The following BCAR3 variants were observed in gnomAD, a reference collection of about 807,000 sequenced individuals.
BCAR3 encodes BCAR3 adaptor protein, NSP family member.
A neutral mutation model predicts 80.1 loss-of-function variants in BCAR3; 37 were observed. The ratio of observed to expected loss-of-function variants is 0.46; its 90% CI spans 0.36 to 0.61. BCAR3 has a LOEUF of 0.61. BCAR3 is among the 20% of genes least tolerant of loss of function. The pLI is 0.00. For missense variants in BCAR3, 978 were observed against 1,068.2 expected (o/e 0.92, Z 1.18); for synonymous variants, 389 against 418.9 (o/e 0.93, Z 0.87).
chr1:93,660,242 G>A (rs563744036), intron 2 of BCAR3, among the ~76,000 whole-genome samples: 4 of 152,268 alleles, frequency 2.6e-5, no homozygotes, highest in Non-Finnish European at 5.9e-5. Flanking sequence ...ACAGGCCAGC[G>A]ACCGAACTGT....
intron 2 of BCAR3, among the ~76,000 whole-genome samples, chr1:93,723,960 C>T (rs1423038901): frequency 6.6e-6 from 1 of 152,220 alleles, no homozygotes; most frequent in East Asian, 1.9e-4. Flanking sequence ...AGAGAAGCCA[C>T]TTGGCCACCT....
intron 2 of BCAR3, among the ~76,000 whole-genome samples, chr1:93,842,550 A>G (rs1236229150): frequency 6.6e-6 from 1 of 152,146 alleles, no homozygotes; most frequent in Non-Finnish European, 1.5e-5. Context: ...CGGTTTTCTG[A>G]AAAGATGAAG....
At chr1:93,669,279 A>G (rs150848717) in intron 2 of BCAR3, among the ~76,000 whole-genome samples, 3 of 152,320 alleles carry the variant, frequency 2.0e-5, no homozygotes, top group Non-Finnish European at 2.9e-5. Context: ...ACCATTTTTC[A>G]GATGAGGGCA....
intron 2 of BCAR3, among the ~76,000 whole-genome samples, chr1:93,831,612 C>T (rs1654570020): frequency 6.6e-6 from 1 of 152,264 alleles, no homozygotes; most frequent in Middle Eastern, 3.4e-3. Context: ...TTCTTTCTCT[C>T]CTGTCTGTTC....
chr1:93,819,901 GA>G (rs1358552288), intron 2 of BCAR3, among the ~76,000 whole-genome samples: 2 of 152,114 alleles, frequency 1.3e-5, no homozygotes, highest in Non-Finnish European at 2.9e-5. Flanking sequence ...ACAGTTTTCT[GA>G]TTCTCACCCT....
At chr1:93,585,346 C>T (rs1261193986) in intron 5 of BCAR3, among the ~76,000 whole-genome samples, 1 of 152,234 alleles carries the variant, frequency 6.6e-6, no homozygotes, top group Non-Finnish European at 1.5e-5. Flanking sequence ...CATTTCTGGG[C>T]GTGCTGCGTG....
At chr1:93,674,532 G>C (rs1648369763) in intron 2 of BCAR3, 82 bp downstream of exon 2, 1 of 1,456,858 alleles carries the variant, frequency 6.9e-7, no homozygotes, top group Admixed American at 2.2e-5. Flanking sequence ...TTACAGGTGT[G>C]AGCCACCACG....
chr1:93,829,723 G>A (rs978946828), intron 2 of BCAR3, among the ~76,000 whole-genome samples: 1 of 152,216 alleles, frequency 6.6e-6, no homozygotes, highest in Admixed American at 6.5e-5. Flanking sequence ...AGTGTTGGCT[G>A]TGAGCCTTAT....
At chr1:93,649,054 T>C (rs760145768) in intron 2 of BCAR3, among the ~76,000 whole-genome samples, 1 of 152,152 alleles carries the variant, frequency 6.6e-6, no homozygotes, top group East Asian at 1.9e-4. Context: ...AAAATTAAGA[T>C]GCATAAGAAA....
At position 93,676,924 on chromosome 1, in the gene BCAR3, A is replaced by C. The variant is rs566468691; in HGVS notation, c.-11-1983T>G. On this transcript the variant is annotated intron_variant, in intron 1 of 11. Transcript: ENST00000260502. The stretch of plus-strand genomic sequence containing the variant: ...AGCCTGTTTCCTCTCTGCTTCCCCA[A>C]GATCTACTTAGACTTCAAGATTGTC... Among the ~76,000 whole-genome samples the C allele has an allele frequency of 6.9e-4, 105 of 152,358 alleles. 1 individual carries two copies. The highest frequency in any genetic ancestry group is 2.4e-3 in the African/African-American group (100 of 41,586).
intron 2 of BCAR3, among the ~76,000 whole-genome samples, chr1:93,760,244 G>A (rs1651888989): frequency 6.6e-6 from 1 of 152,152 alleles, no homozygotes; most frequent in Non-Finnish European, 1.5e-5. Flanking sequence ...GGGGAAGGGA[G>A]GGTTGAAAAG....
intron 3 of BCAR3, among the ~76,000 whole-genome samples, chr1:93,603,159 C>A (rs1020101592): frequency 6.6e-5 from 10 of 152,168 alleles, no homozygotes; most frequent in Non-Finnish European, 1.2e-4. Flanking sequence ...TAAAAAAGTT[C>A]AAAGAGAAAA....
intron 2 of BCAR3, among the ~76,000 whole-genome samples, chr1:93,711,169 A>G (rs1650009656): frequency 6.6e-6 from 1 of 152,256 alleles, no homozygotes; most frequent in African/African-American, 2.4e-5. Flanking sequence ...CCCTTCTGCC[A>G]TGTGCCATTG....
At chr1:93,684,721 GTGTTTTTTGTTTTT>G (rs57898595), upstream of BCAR3, among the ~76,000 whole-genome samples, 3 of 127,178 alleles carry the variant, frequency 2.4e-5, no homozygotes, top group East Asian at 2.0e-4. Flanking sequence ...TTTGAATCAG[GTGTTTTTTGTTTTT>G]TGTTTTTTGT....
intron 3 of BCAR3, among the ~76,000 whole-genome samples, chr1:93,607,069 G>A (rs1674791959): frequency 6.6e-6 from 1 of 152,146 alleles, no homozygotes; most frequent in Admixed American, 6.5e-5. Flanking sequence ...ATATACAGAG[G>A]GACATAATAG....
chr1:93,714,276 C>T (rs776264215), intron 2 of BCAR3, among the ~76,000 whole-genome samples: 7 of 152,216 alleles, frequency 4.6e-5, no homozygotes, highest in Non-Finnish European at 8.8e-5. Flanking sequence ...CCACCGCGCC[C>T]GGCCCCATCA....
chr1:93,689,227 C>T (rs540911161), intron 3 of BCAR3, among the ~76,000 whole-genome samples: 1 of 151,870 alleles, frequency 6.6e-6, no homozygotes, highest in Admixed American at 6.6e-5. Context: ...TGGCTCATGC[C>T]TGTAATCCCA....
chr1:93,786,992 A>T (rs1425411044), intron 2 of BCAR3, among the ~76,000 whole-genome samples: 1 of 152,170 alleles, frequency 6.6e-6, no homozygotes, highest in Admixed American at 6.6e-5. Flanking sequence ...TGCATTTTTC[A>T]GTCACTTTCC....
intron 2 of BCAR3, among the ~76,000 whole-genome samples, chr1:93,813,298 T>C (rs936914283): frequency 1.3e-5 from 2 of 152,102 alleles, no homozygotes; most frequent in African/African-American, 4.8e-5. Context: ...CTCTGGTCAG[T>C]CCAGGGCAAA....
Sources: allele counts gnomAD v4.1 joint callset (sites outside exome capture counted in the v4.1 genomes callset), GRCh38; gene constraint gnomAD v4.1.1; transcripts MANE v1.5; gene names NCBI Gene and HGNC (gene_info 2026-07-23, HGNC 2026-07-21).